The following HIBADH variants were observed in gnomAD, a reference collection of about 807,000 sequenced individuals.
The protein encoded by HIBADH is 3-hydroxyisobutyrate dehydrogenase, mitochondrial.
A neutral mutation model predicts 36.1 loss-of-function variants in HIBADH; 25 were observed. The observed-to-expected ratio is 0.69, with a 90% confidence interval of 0.50 to 0.97. HIBADH has a LOEUF of 0.97. HIBADH is among the 50% of genes least tolerant of loss of function. HIBADH has a pLI of 0.00. For synonymous variants in HIBADH, 160 were observed against 149.5 expected (o/e 1.07, Z -0.51); for missense variants, 421 against 418.0 (o/e 1.01, Z -0.06).
intron 4 of HIBADH, among the ~76,000 whole-genome samples, chr7:27,562,443 C>A (rs1466355755): frequency 6.6e-6 from 1 of 152,154 alleles, no homozygotes; most frequent in African/African-American, 2.4e-5. Context: ...ATTACCCAAT[C>A]TTATAGACCA....
At chr7:27,629,530 CTG>C (rs1785710473) in intron 3 of HIBADH, 38 bp from the exon 4 acceptor site, 2 of 1,436,240 alleles carry the variant, frequency 1.4e-6, no homozygotes, top group Non-Finnish European at 1.9e-6. Flanking sequence ...GTTTACAACT[CTG>C]AGTAAAAATT....
intron 2 of HIBADH, among the ~76,000 whole-genome samples, chr7:27,637,029 A>C (rs1003295334): frequency 1.3e-5 from 2 of 152,198 alleles, no homozygotes; most frequent in Non-Finnish European, 2.9e-5. Context: ...TCAATAATGC[A>C]GCTGAGACAG....
intron 2 of HIBADH, among the ~76,000 whole-genome samples, chr7:27,638,598 CTAAT>C (rs1000504899): frequency 3.9e-5 from 6 of 152,022 alleles, no homozygotes; most frequent in Non-Finnish European, 7.4e-5. Context: ...CAAATGAGAC[CTAAT>C]TAAACTAAAC....
chr7:27,558,673 C>T (rs1784426385), intron 4 of HIBADH, among the ~76,000 whole-genome samples: 1 of 152,030 alleles, frequency 6.6e-6, no homozygotes, highest in Admixed American at 6.6e-5. Context: ...CCAGCCTGGA[C>T]CACAGAGCAA....
At chr7:27,650,442 G>A (rs894828788) in intron 1 of HIBADH, among the ~76,000 whole-genome samples, 1 of 150,568 alleles carries the variant, frequency 6.6e-6, no homozygotes, top group African/African-American at 2.4e-5. Flanking sequence ...TCAGAAAAGA[G>A]AGACTTCCTT....
intron 4 of HIBADH, among the ~76,000 whole-genome samples, chr7:27,590,254 A>G (rs1784921015): frequency 6.6e-6 from 1 of 152,152 alleles, no homozygotes; most frequent in Admixed American, 6.5e-5. Flanking sequence ...AGAAAAGTTG[A>G]GACTCAGAAA....
chr7:27,600,383 A>C (rs1785110664), intron 4 of HIBADH, among the ~76,000 whole-genome samples: 2 of 152,160 alleles, frequency 1.3e-5, no homozygotes, highest in African/African-American at 4.8e-5. Context: ...GTCCTGCCAT[A>C]ATCAAACAAC....
At chr7:27,563,846 T>C (rs1383796883) in intron 4 of HIBADH, among the ~76,000 whole-genome samples, 1 of 152,166 alleles carries the variant, frequency 6.6e-6, no homozygotes, top group Non-Finnish European at 1.5e-5. Flanking sequence ...AGGCTGCAGC[T>C]TGTCTTTTCA....
At chr7:27,551,128 T>C (rs1784313087) in intron 4 of HIBADH, among the ~76,000 whole-genome samples, 1 of 151,830 alleles carries the variant, frequency 6.6e-6, no homozygotes, top group African/African-American at 2.4e-5. Flanking sequence ...CAATTACTTT[T>C]TTAAAAGCTC....
chr7:27,578,450 G>C (rs530936318), intron 4 of HIBADH, among the ~76,000 whole-genome samples: 1 of 151,922 alleles, frequency 6.6e-6, no homozygotes, highest in African/African-American at 2.4e-5. Flanking sequence ...TGATAGCTGA[G>C]ATTACAGGCG....
intron 4 of HIBADH, among the ~76,000 whole-genome samples, chr7:27,556,067 C>T (rs1784384649): frequency 6.6e-6 from 1 of 152,170 alleles, no homozygotes; most frequent in South Asian, 2.1e-4. Context: ...AAACATTCCA[C>T]TTTGATAAAT....
intron 4 of HIBADH, among the ~76,000 whole-genome samples, chr7:27,605,769 AT>A (rs1282033565): frequency 6.6e-6 from 1 of 152,094 alleles, no homozygotes; most frequent in African/African-American, 2.4e-5. Context: ...TAACCTTGAT[AT>A]CAGATGTAGT....
intron 7 of HIBADH, among the ~76,000 whole-genome samples, chr7:27,528,476 G>GA (rs1466522804): frequency 6.6e-6 from 1 of 152,214 alleles, no homozygotes; most frequent in African/African-American, 2.4e-5. Context: ...AATGATAAGT[G>GA]AAACGGCCTT....
chr7:27,564,884 ATAAT>A (rs376316869), intron 4 of HIBADH, among the ~76,000 whole-genome samples: 153 of 152,302 alleles, frequency 1.0e-3, no homozygotes, highest in African/African-American at 3.5e-3. Flanking sequence ...ACAAATGTAA[ATAAT>A]AATGTTTTAA....
intron 2 of HIBADH, chr7:27,649,250 G>A (rs77895300): frequency 0.035 from 13,577 of 382,846 alleles, 323 homozygotes; most frequent in South Asian, 0.088. Flanking sequence ...TGTGCAAAAT[G>A]TTCCAAGTCA....
intron 5 of HIBADH, among the ~76,000 whole-genome samples, chr7:27,540,653 G>A (rs907764902): frequency 1.6e-4 from 25 of 152,262 alleles, no homozygotes; most frequent in Middle Eastern, 3.4e-3. Context: ...TTCTTCCACA[G>A]TGACAATCCT....
At chr7:27,643,841 T>G (rs1408715572) in intron 2 of HIBADH, among the ~76,000 whole-genome samples, 1 of 152,202 alleles carries the variant, frequency 6.6e-6, no homozygotes, top group Non-Finnish European at 1.5e-5. Context: ...GGCAGCAGCA[T>G]AACTCTAATG....
intron 1 of HIBADH, among the ~76,000 whole-genome samples, chr7:27,660,738 T>C (rs1786400254): frequency 6.6e-6 from 1 of 152,134 alleles, no homozygotes; most frequent in African/African-American, 2.4e-5. Flanking sequence ...AAAGAACTAT[T>C]TAAAATTTAT....
At chr7:27,593,857 A>G (rs1357734087) in intron 4 of HIBADH, among the ~76,000 whole-genome samples, 1 of 151,924 alleles carries the variant, frequency 6.6e-6, no homozygotes, top group Non-Finnish European at 1.5e-5. Context: ...AATACCTCTC[A>G]TATGTATAAA....
Sources: gnomAD v4.1 joint callset for allele counts (sites outside exome capture counted in the v4.1 genomes callset) on GRCh38, gnomAD v4.1.1 for gene constraint, MANE v1.5 for transcripts, NCBI Gene and HGNC (gene_info 2026-07-23, HGNC 2026-07-21) for gene names.